The following ENOX1 variants were observed in gnomAD, a reference collection of about 807,000 sequenced individuals.
ENOX1 encodes ecto-NOX disulfide-thiol exchanger 1.
In ENOX1, 42 loss-of-function variants were observed where a neutral mutation model predicts 82.5. The ratio of observed to expected loss-of-function variants is 0.51; its 90% CI spans 0.40 to 0.66. The LOEUF is 0.66. Among genes scored for constraint, ENOX1 ranks in the 30% least tolerant of loss-of-function variants. ENOX1 has a pLI of 0.00. For synonymous variants in ENOX1, 271 were observed against 282.2 expected (o/e 0.96, Z 0.40); for missense variants, 608 against 811.6 (o/e 0.75, Z 3.05).
chr13:43,613,007 ATGTT>A (rs1434772934), intron 2 of ENOX1, among the ~76,000 whole-genome samples: 2 of 152,198 alleles, frequency 1.3e-5, no homozygotes, highest in African/African-American at 4.8e-5. Flanking sequence ...GAAGAGATGC[ATGTT>A]TATTAGCTCA....
chr13:43,551,053 T>A (rs922485819), intron 2 of ENOX1, among the ~76,000 whole-genome samples: 4 of 152,204 alleles, frequency 2.6e-5, no homozygotes, highest in South Asian at 2.1e-4. Context: ...GTATTTTTTT[T>A]AAGTAATTTT....
intron 15 of ENOX1, among the ~76,000 whole-genome samples, chr13:43,230,515 T>G (rs987641228): frequency 6.6e-6 from 1 of 152,088 alleles, no homozygotes; most frequent in Non-Finnish European, 1.5e-5. Flanking sequence ...ACATACAAGA[T>G]CACTAAGGGG....
At chr13:43,697,977 C>T (rs779612141) in intron 1 of ENOX1, among the ~76,000 whole-genome samples, 7 of 152,150 alleles carry the variant, frequency 4.6e-5, no homozygotes, top group Non-Finnish European at 8.8e-5. Flanking sequence ...AAGGATAGGG[C>T]CTTGCAGTAC....
At chr13:43,331,238 C>G (rs1241806131) in intron 9 of ENOX1, among the ~76,000 whole-genome samples, 3 of 152,178 alleles carry the variant, frequency 2.0e-5, no homozygotes, top group Non-Finnish European at 4.4e-5. Flanking sequence ...CGAACACAGC[C>G]CTTTTCCCTT....
At chr13:43,717,359 A>G (rs921638720) in intron 1 of ENOX1, among the ~76,000 whole-genome samples, 2 of 152,198 alleles carry the variant, frequency 1.3e-5, no homozygotes, top group African/African-American at 4.8e-5. Context: ...ATGAAACTGG[A>G]CTCCTACCTC....
chr13:43,231,028 G>T (rs2042255230), intron 15 of ENOX1, among the ~76,000 whole-genome samples: 1 of 152,158 alleles, frequency 6.6e-6, no homozygotes, highest in Non-Finnish European at 1.5e-5. Context: ...CACCTACACT[G>T]GTTGATAGTC....
intron 3 of ENOX1, among the ~76,000 whole-genome samples, chr13:43,422,875 A>G (rs2055057722): frequency 6.6e-6 from 1 of 152,218 alleles, no homozygotes; most frequent in South Asian, 2.1e-4. Flanking sequence ...ATATATCTAA[A>G]TTGAACAAAT....
intron 2 of ENOX1, among the ~76,000 whole-genome samples, chr13:43,517,829 A>G (rs2077614533): frequency 6.6e-6 from 1 of 152,072 alleles, no homozygotes; most frequent in African/African-American, 2.4e-5. Context: ...CCAAAAGAGA[A>G]CCCTCATTCC....
At chr13:43,240,816 C>A (rs138371032) in intron 14 of ENOX1, among the ~76,000 whole-genome samples, 2 of 152,128 alleles carry the variant, frequency 1.3e-5, no homozygotes, top group Non-Finnish European at 2.9e-5. Flanking sequence ...TTTTATGGGG[C>A]CTTTCTCTGG....
At chr13:43,462,654 T>C (rs1276181402) in intron 3 of ENOX1, among the ~76,000 whole-genome samples, 1 of 152,222 alleles carries the variant, frequency 6.6e-6, no homozygotes, top group Non-Finnish European at 1.5e-5. Flanking sequence ...GCAAACAAAT[T>C]CTTCGAGAGG....
intron 6 of ENOX1, 112 bp from the exon 7 acceptor site, chr13:43,360,169 A>G: frequency 2.3e-6 from 2 of 875,152 alleles, no homozygotes; most frequent in African/African-American, 2.6e-5. Flanking sequence ...AGTGACGGTA[A>G]ATTTCTATGC....
intron 2 of ENOX1, among the ~76,000 whole-genome samples, chr13:43,623,123 C>T (rs968206521): frequency 6.6e-6 from 1 of 152,128 alleles, no homozygotes; most frequent in African/African-American, 2.4e-5. Flanking sequence ...CCTCAACAGC[C>T]CCACGTCTGT....
intron 2 of ENOX1, among the ~76,000 whole-genome samples, chr13:43,502,978 C>G (rs1330413596): frequency 6.6e-6 from 1 of 151,384 alleles, no homozygotes; most frequent in East Asian, 1.9e-4. Context: ...CTAAGAAGTC[C>G]ATACACACAG....
intron 2 of ENOX1, among the ~76,000 whole-genome samples, chr13:43,591,710 G>C (rs928896595): frequency 2.6e-5 from 4 of 151,778 alleles, no homozygotes; most frequent in African/African-American, 9.7e-5. Context: ...AGTTGGGAAC[G>C]AGCAGCAAAC....
intron 11 of ENOX1, among the ~76,000 whole-genome samples, chr13:43,308,908 G>C (rs1025595747): frequency 6.6e-6 from 1 of 152,162 alleles, no homozygotes; most frequent in African/African-American, 2.4e-5. Context: ...CTCAGGATGA[G>C]CCTCATGTCA....
intron 3 of ENOX1, among the ~76,000 whole-genome samples, chr13:43,423,598 T>C (rs1028238401): frequency 1.3e-5 from 2 of 152,182 alleles, no homozygotes; most frequent in South Asian, 2.1e-4. Flanking sequence ...CTGTGCCAGA[T>C]AGTCCTAAGA....
intron 12 of ENOX1, among the ~76,000 whole-genome samples, chr13:43,277,790 T>C (rs868518940): frequency 3.3e-5 from 5 of 152,116 alleles, no homozygotes; most frequent in African/African-American, 1.2e-4. Context: ...TGGGATTTCC[T>C]CTGCTGCAGA....
intron 9 of ENOX1, among the ~76,000 whole-genome samples, chr13:43,333,893 G>C (rs529945235): frequency 1.3e-5 from 2 of 152,352 alleles, no homozygotes; most frequent in African/African-American, 4.8e-5. Context: ...AAAGTGCTGG[G>C]ATTACAGGCA....
intron 11 of ENOX1, among the ~76,000 whole-genome samples, chr13:43,299,999 A>T (rs1050579693): frequency 2.0e-5 from 3 of 152,178 alleles, no homozygotes; most frequent in African/African-American, 7.2e-5. Context: ...CAAATATCAA[A>T]TGTCAAATTA....
Sources: allele counts gnomAD v4.1 joint callset (sites outside exome capture counted in the v4.1 genomes callset), GRCh38; gene constraint gnomAD v4.1.1; transcripts MANE v1.5; gene names NCBI Gene and HGNC (gene_info 2026-07-23, HGNC 2026-07-21).